Variants in ZFYVE28 observed in about 807,000 individuals in gnomAD.
ZFYVE28 encodes zinc finger FYVE-type containing 28, also known as lateral signaling target protein 2 homolog.
Under a neutral mutation model 82.1 loss-of-function variants are expected in ZFYVE28, and 40 were observed. The ratio of observed to expected loss-of-function variants is 0.49; its 90% CI spans 0.38 to 0.63. The LOEUF is 0.63. ZFYVE28 is among the 30% of genes least tolerant of loss of function. The probability of loss-of-function intolerance (pLI) is 0.00; values close to 1 mark genes in which losing one functional copy is unlikely to be tolerated. For synonymous variants in ZFYVE28, 612 were observed against 546.1 expected, an observed-to-expected ratio of 1.12 and a Z score of -1.68; for missense variants, 1,321 against 1,242.1, an observed-to-expected ratio of 1.06 and a Z score of -0.96.
At chr4:2,369,198 G>A (rs1479365848) in intron 1 of ZFYVE28, among the ~76,000 whole-genome samples, 1 of 152,172 alleles carries the variant, frequency 6.6e-6, no homozygotes, top group African/African-American at 2.4e-5. Flanking sequence ...GTGAGTCAAG[G>A]GTGTGGAACG....
intron 1 of ZFYVE28, among the ~76,000 whole-genome samples, chr4:2,405,417 G>C (rs550014131): frequency 6.6e-6 from 1 of 152,244 alleles, no homozygotes; most frequent in African/African-American, 2.4e-5. Context: ...GATTTCAGAC[G>C]CTGTGGGAGG....
At position 2,339,326 on chromosome 4, in the gene ZFYVE28, C is replaced by T; in HGVS notation, c.521+127G>A. 9.1e-7 allele frequency: 1 copy of T among 1,102,502 alleles called. No individual in the cohort carries two copies. Among genetic ancestry groups the T allele is most frequent in the Non-Finnish European group, 1.3e-6 (1 of 764,898 alleles). 68.3% of individuals were successfully genotyped at this position (1,102,502 alleles called of 1,614,324 possible). Reference sequence around the variant, plus strand: ...AGGGCTTAACCCCACCCACAGGCGGCCCTGAACCTGCCTGGCTCCTCCCTC... The same window carrying T: ...AGGGCTTAACCCCACCCACAGGCGGTCCTGAACCTGCCTGGCTCCTCCCTC... On this transcript the variant is annotated intron_variant, in intron 4 of 12. Transcript: ENST00000290974. This position sits in a 1 kb window ranked among gnomAD's most constrained non-coding sequence, Gnocchi z 5.0.
At chr4:2,351,456 G>A (rs186794671) in intron 2 of ZFYVE28, among the ~76,000 whole-genome samples, 11 of 152,312 alleles carry the variant, frequency 7.2e-5, no homozygotes, top group South Asian at 2.1e-4. Context: ...ACTCATGCCC[G>A]TAATCCCAGA....
chr4:2,376,299 G>A (rs1370779668), intron 1 of ZFYVE28, among the ~76,000 whole-genome samples: 1 of 147,406 alleles, frequency 6.8e-6, no homozygotes, highest in Admixed American at 6.8e-5. Flanking sequence ...CACTTTGGGT[G>A]GCTGAGGTGG....
intron 8 of ZFYVE28, among the ~76,000 whole-genome samples, chr4:2,293,772 T>C (rs60988239): frequency 1.5e-5 from 2 of 136,908 alleles, no homozygotes; most frequent in Admixed American, 7.7e-5. Flanking sequence ...AAAAAAAAAA[T>C]CTTCTAGAAG....
intron 1 of ZFYVE28, among the ~76,000 whole-genome samples, chr4:2,393,700 T>C (rs546237906): frequency 2.4e-4 from 37 of 152,184 alleles, no homozygotes; most frequent in Non-Finnish European, 5.0e-4. Flanking sequence ...CTGCTGAGAC[T>C]CCCGCCGGCC....
At position 2,332,757 on chromosome 4, in the gene ZFYVE28, C is replaced by A. The variant is rs1397564010; in HGVS notation, c.701+2948G>T. ...GGGCTGCAGGGCCCCAGTGAGCATC[C>A]CAGAGGGGCGGCCTTAGGAACAGCT... On this transcript the variant is annotated intron_variant, in intron 6 of 12. Transcript: ENST00000290974. This position sits in a 1 kb window ranked among gnomAD's most constrained non-coding sequence, Gnocchi z 4.7. Among the ~76,000 whole-genome samples the A allele has an allele frequency of 1.3e-5, 2 of 152,110 alleles. No homozygotes were observed. Among genetic ancestry groups the A allele is most frequent in the African/African-American group, 4.8e-5 (2 of 41,404 alleles).
chr4:2,342,139 G>A (rs1722918615), intron 2 of ZFYVE28, among the ~76,000 whole-genome samples: 1 of 152,218 alleles, frequency 6.6e-6, no homozygotes, highest in Non-Finnish European at 1.5e-5. Context: ...AGGGTCAGAA[G>A]AGTGCAGTTA....
chr4:2,346,219 A>G (rs760023072), intron 2 of ZFYVE28, among the ~76,000 whole-genome samples: 43 of 150,466 alleles, frequency 2.9e-4, no homozygotes, highest in Non-Finnish European at 4.9e-4. Context: ...GTGGGCGCCT[A>G]TAGTCCCAGC....
chr4:2,413,928 G>A (rs2108690539), intron 1 of ZFYVE28, among the ~76,000 whole-genome samples: 1 of 152,294 alleles, frequency 6.6e-6, no homozygotes, highest in East Asian at 1.9e-4. Context: ...ACTTCTGGGG[G>A]ATCTCTGTCA....
At chr4:2,366,468 A>G (rs942310346) in intron 1 of ZFYVE28, among the ~76,000 whole-genome samples, 4 of 152,164 alleles carry the variant, frequency 2.6e-5, no homozygotes, top group Non-Finnish European at 5.9e-5. Flanking sequence ...TGTCTCACCA[A>G]GCAGCACCCG....
In ZFYVE28 at chr4:2,409,271, T is replaced by A. The variant is rs546227279; in HGVS notation, c.39+9014A>T. 6.7e-6 allele frequency among the ~76,000 whole-genome samples: 1 copy of A among 150,302 alleles called. No homozygotes were observed. The highest frequency in any genetic ancestry group is 2.5e-5 in the African/African-American group (1 of 40,772). On this transcript the variant is annotated intron_variant, in intron 1 of 12. Coordinates refer to ENST00000290974, the MANE Select transcript of ZFYVE28 (RefSeq NM_020972.3). This position sits in a 1 kb window ranked among gnomAD's most constrained non-coding sequence, Gnocchi z 4.4. The stretch of plus-strand genomic sequence containing the variant: ...CCACCAGGCCCAGATCCATCTACTT[T>A]CTCCATCCAGAGTCGCCTGCTGCCA...
At chr4:2,327,435 G>C (rs978141871) in intron 6 of ZFYVE28, among the ~76,000 whole-genome samples, 5 of 151,670 alleles carry the variant, frequency 3.3e-5, no homozygotes, top group African/African-American at 1.2e-4. Flanking sequence ...GAAGTGGGAA[G>C]AGTAGGCATC....
intron 6 of ZFYVE28, chr4:2,329,117 T>C (rs1720303323): frequency 2.9e-6 from 2 of 700,716 alleles, no homozygotes; most frequent in Non-Finnish European, 5.2e-6. Flanking sequence ...CAGTTCCACA[T>C]GAATTTTAGA....
In ZFYVE28 at chr4:2,304,382, G is replaced by C; in HGVS notation, c.1958C>G (p.Ala653Gly). Residue 653 changes from alanine (A) to glycine (G), a missense_variant, in exon 8 of 13, where the codon GCT becomes GGT. By Grantham distance (60) the Ala-to-Gly change is moderately conservative. Transcript: ENST00000290974. ...VDTASGLQGE[A>G]GVAGQQEPEA... ...TGGCTCCTGCTGACCTGCAACCCCAGCCTCTCCTTGCAGCCCACTCGCTGT... is the reference window on the plus strand; with the variant it reads ...TGGCTCCTGCTGACCTGCAACCCCACCCTCTCCTTGCAGCCCACTCGCTGT... 6.2e-7 allele frequency: 1 copy of C among 1,612,352 alleles called. No individual in the cohort carries two copies. The highest frequency in any genetic ancestry group is 8.5e-7 in the Non-Finnish European group (1 of 1,180,004).
intron 7 of ZFYVE28, among the ~76,000 whole-genome samples, chr4:2,310,495 T>C (rs1717324580): frequency 6.6e-6 from 1 of 152,286 alleles, no homozygotes; most frequent in Non-Finnish European, 1.5e-5. Context: ...GATTATACTC[T>C]TATTGAAAAA....
chr4:2,374,554 C>T (rs1411828892), intron 1 of ZFYVE28, among the ~76,000 whole-genome samples: 2 of 152,134 alleles, frequency 1.3e-5, no homozygotes. Flanking sequence ...GTTGAGGCTG[C>T]AGTGAGCTGA....
chr4:2,337,156 T>C (rs1376007960), intron 5 of ZFYVE28, among the ~76,000 whole-genome samples: 1 of 149,408 alleles, frequency 6.7e-6, no homozygotes, highest in Non-Finnish European at 1.5e-5. Context: ...TCTGACCTTC[T>C]GGCAGACAGA....
At chr4:2,285,122 C>A (rs567226705) in intron 8 of ZFYVE28, among the ~76,000 whole-genome samples, 1 of 152,210 alleles carries the variant, frequency 6.6e-6, no homozygotes, top group African/African-American at 2.4e-5. Context: ...CAGGCCCACA[C>A]CTGGGCAGAA....
Sources: allele counts gnomAD v4.1 joint callset (sites outside exome capture counted in the v4.1 genomes callset), GRCh38; gene constraint gnomAD v4.1.1; non-coding constraint Gnocchi (gnomAD v3.1); transcripts MANE v1.5; gene names NCBI Gene and HGNC (gene_info 2026-07-23, HGNC 2026-07-21).